Variants in TRIM22 observed in about 807,000 individuals in gnomAD.
TRIM22 encodes E3 ubiquitin-protein ligase TRIM22.
Under a neutral mutation model 53.6 loss-of-function variants are expected in TRIM22, and 45 were observed. The observed-to-expected ratio is 0.84, with a 90% CI of 0.66 to 1.08. The LOEUF (loss-of-function observed/expected upper bound fraction) is 1.08. Ranked by LOEUF, TRIM22 falls within the 50% of genes least tolerant of loss-of-function variation. The probability of loss-of-function intolerance (pLI) is 0.00; values close to 1 mark genes in which losing one functional copy is unlikely to be tolerated. For synonymous variants in TRIM22, 225 were observed against 216.6 expected (o/e 1.04, Z -0.34); for missense variants, 616 against 590.9 (o/e 1.04, Z -0.44).
chr11:5,691,764 A>C (rs1400909620), intron 1 of TRIM22, among the ~76,000 whole-genome samples: 1 of 152,118 alleles, frequency 6.6e-6, no homozygotes, highest in Non-Finnish European at 1.5e-5. Flanking sequence ...TCTCGATCTT[A>C]TCGCTGAGCA....
Position 5,709,448 on chromosome 11 carries a change from ACT to A in TRIM22, c.1302_1303del (p.Phe435TyrfsTer15). 1.2e-6 allele frequency: 2 copies of A among 1,613,642 alleles called. No homozygotes were observed. The highest frequency in any genetic ancestry group is 1.3e-5 in the African/African-American group (1 of 74,830). ...DSSSSDPKVLTLFMAVPPCRI... is the reference protein window; with the variant it reads ...DSSSSDPKVLXLFMAVPPCRI... ...CTCCTCTTCTGATCCCAAGGTTTTGACTCTCTTTATGGCTGTGCCTCCCTGTC... is the reference window on the plus strand; with the variant it reads ...CTCCTCTTCTGATCCCAAGGTTTTGACTCTTTATGGCTGTGCCTCCCTGTC... On this transcript the variant is annotated frameshift_variant, in exon 8 of 8. Transcript: ENST00000379965. LOFTEE classifies it high-confidence loss of function.
In TRIM22 at chr11:5,696,450, A is replaced by G. The variant is rs199625192; in HGVS notation, c.218A>G (p.His73Arg). The change falls in exon 2 of 8, where the codon CAT (histidine) becomes CGT (arginine). Residue 73 changes from histidine to arginine, a missense_variant. Transcript: ENST00000379965. ...FQPGNLRPNR[H>R]LANIVERVKE... The stretch of plus-strand genomic sequence containing the variant: ...CCTGGGAACCTCCGACCTAATCGGC[A>G]TCTGGCCAACATAGTTGAGAGAGTC... 3.1e-6 allele frequency: 5 copies of G among 1,614,272 alleles called. No homozygotes were observed. The highest frequency in any genetic ancestry group is 1.7e-5 in the Admixed American group (1 of 60,032).
rs1337729587 is a variant in TRIM22 at position 5,696,243 on chromosome 11, C to T, written c.11C>T (p.Ser4Leu). 8 of 1,608,318 alleles carry T rather than the reference C, an allele frequency of 5.0e-6. No homozygotes were observed. The highest frequency in any genetic ancestry group is 5.9e-6 in the Non-Finnish European group (7 of 1,177,130). The change falls in exon 2 of 8, where the codon TCA becomes TTA. Residue 4 changes from serine to leucine, a missense_variant. Ser to Leu is a moderately radical substitution (Grantham distance 145). Coordinates refer to ENST00000379965, the MANE Select transcript of TRIM22 (RefSeq NM_006074.5). MDF[S>L]VKVDIEKEVT... ...CAAGGGAGCAGTGCAATGGATTTCT[C>T]AGTAAAGGTAGACATAGAGAAGGAG...
Position 5,697,321 on chromosome 11 carries a change from G to A in TRIM22, c.497G>A (p.Arg166Lys). ...GCTGAGAAGCTGGAAGATGACATCA[G>A]ACAAGAGAGAACCGCCTGGAAGGCA... The part of the protein sequence containing the change: ...QEAEKLEDDI[R>K]QERTAWKNYI... The change falls in exon 3 of 8, where the codon AGA becomes AAA. Residue 166 changes from arginine to lysine, a missense_variant. Arg to Lys is a conservative substitution (Grantham distance 26, BLOSUM62 2). Transcript: ENST00000379965. 3 of 1,613,604 alleles carry A rather than the reference G, an allele frequency of 1.9e-6. No homozygotes were observed. The highest frequency in any genetic ancestry group is 2.2e-5 in the South Asian group (2 of 90,914).
At chr11:5,703,151 G>C (rs1385602559) in intron 4 of TRIM22, among the ~76,000 whole-genome samples, 4 of 152,126 alleles carry the variant, frequency 2.6e-5, no homozygotes, top group East Asian at 1.9e-4. Context: ...CATCACCCAG[G>C]TAATGAGCAT....
rs758823080 is a variant in TRIM22 at position 5,709,648 on chromosome 11, A to G, written c.1497A>G (p.Ter499TrpextTer60). 6.3e-7 allele frequency: 1 copy of G among 1,599,802 alleles called. No individual in the cohort carries two copies. Among genetic ancestry groups the G allele is most frequent in the South Asian group, 1.1e-5 (1 of 90,860 alleles). ...VPMTVCPPSS[*>W] ...TGACTGTGTGCCCACCGAGCTCCTG[A>G]GTGTTCTCATTCCTTTACCCACTTC... Residue 499 changes from the stop codon to tryptophan, a stop_lost, in exon 8 of 8, where the codon TGA becomes TGG. Coordinates refer to ENST00000379965, the MANE Select transcript of TRIM22 (RefSeq NM_006074.5).
Position 5,705,805 on chromosome 11 carries a change from G to A in TRIM22, c.751-789G>A, listed in dbSNP as rs1185082762. ...GATATTGACACTATTCGGGACAGTG[G>A]GGTGTAAATAGTTGGGAAATAGTAA... On this transcript the variant is annotated intron_variant, in intron 4 of 7. Coordinates refer to ENST00000379965, the MANE Select transcript of TRIM22 (RefSeq NM_006074.5). Among the ~76,000 whole-genome samples the A allele has an allele frequency of 2.0e-5, 3 of 152,164 alleles. No individual in the cohort carries two copies. In the East Asian group the frequency reaches 5.8e-4, roughly 29 times the overall value.
intron 5 of TRIM22, 63 bp from the exon 6 acceptor site, chr11:5,708,110 G>T: frequency 7.6e-7 from 1 of 1,321,900 alleles, no homozygotes; most frequent in South Asian, 1.2e-5. Flanking sequence ...GAAAGAGACA[G>T]TGATCTTGGA....
At position 5,709,952 on chromosome 11, in the gene TRIM22, G is replaced by C. The variant is rs1853532555; in HGVS notation, c.*304G>C. The C allele has an allele frequency of 5.9e-6, 2 of 336,882 alleles. No homozygotes were observed. The highest frequency in any genetic ancestry group is 1.3e-4 in the South Asian group (2 of 15,722). The allele number at this position is 336,882 out of a possible 1,614,324, so 20.9% of individuals were successfully genotyped here. ...TGCCTCTCTCCTTGGCTTGTAGAAGGCATCTTGTCCCTATGACTCTTCACA... is the reference window on the plus strand; with the variant it reads ...TGCCTCTCTCCTTGGCTTGTAGAAGCCATCTTGTCCCTATGACTCTTCACA... On this transcript the variant is annotated 3_prime_UTR_variant, in exon 8 of 8. Transcript: ENST00000379965.
At chr11:5,708,405 T>C in intron 6 of TRIM22, 132 bp downstream of exon 6, 2 of 1,012,420 alleles carry the variant, frequency 2.0e-6, no homozygotes, top group Admixed American at 4.7e-5. Flanking sequence ...TCCTGTGCTG[T>C]AGATGTGGTC....
At chr11:5,707,620 G>C (rs1364018671) in intron 5 of TRIM22, among the ~76,000 whole-genome samples, 1 of 152,108 alleles carries the variant, frequency 6.6e-6, no homozygotes, top group Non-Finnish European at 1.5e-5. Context: ...AACCAGCCTG[G>C]CCAACATGGT....
chr11:5,700,362 G>A (rs553986906), intron 4 of TRIM22, among the ~76,000 whole-genome samples: 3 of 152,116 alleles, frequency 2.0e-5, no homozygotes, highest in East Asian at 1.9e-4. Context: ...CAATCTGCCC[G>A]CCTTGGCCTC....
At chr11:5,698,123 T>TA (rs1467664041) in intron 3 of TRIM22, 192 bp from the exon 4 acceptor site, 1 of 566,726 alleles carries the variant, frequency 1.8e-6, no homozygotes, top group East Asian at 3.0e-5. Flanking sequence ...GACTTGAGTG[T>TA]ATTGCTTTGG....
intron 4 of TRIM22, among the ~76,000 whole-genome samples, chr11:5,701,945 C>T (rs894547901): frequency 1.3e-5 from 2 of 151,480 alleles, no homozygotes; most frequent in Non-Finnish European, 2.9e-5. Context: ...TTGCTCTTTG[C>T]TTTTTTTTCC....
rs550364872 is a variant in TRIM22, at chr11:5,696,177, G to C, written c.-56G>C. On this transcript the variant is annotated 5_prime_UTR_variant, in exon 2 of 8. Coordinates refer to ENST00000379965, the MANE Select transcript of TRIM22 (RefSeq NM_006074.5). Reference sequence around the variant, plus strand: ...CTTCAACATTCTCAGCACTGCAGGAGTTTGTGACCAAGAACTTCAAGAGTC... The same window carrying C: ...CTTCAACATTCTCAGCACTGCAGGACTTTGTGACCAAGAACTTCAAGAGTC... The C allele has an allele frequency of 2.5e-4, 384 of 1,529,568 alleles. 4 individuals carry two copies. The South Asian group carries it at 4.4e-3, about 17-fold the overall frequency. The allele number at this position is 1,529,568 out of a possible 1,614,324, so 94.7% of individuals were successfully genotyped here. A position where few individuals can be genotyped will look rare whatever the true frequency, so the allele number is the denominator to read the frequency against.
At position 5,708,136 on chromosome 11, in the gene TRIM22, C is replaced by G. The variant is rs1362677649; in HGVS notation, c.774-37C>G. On this transcript the variant is annotated intron_variant, in intron 5 of 7. Transcript: ENST00000379965. The stretch of plus-strand genomic sequence containing the variant: ...TGATCTTGGATGGAGAGAAATAGGG[C>G]AAAGGTGTAAAGGTTATCAATTTTT... 7 of 1,505,618 alleles carry G rather than the reference C, an allele frequency of 4.6e-6. No homozygotes were observed. In the South Asian group the frequency reaches 7.9e-5, roughly 17 times the overall value. 93.3% of individuals were successfully genotyped at this position (1,505,618 alleles called of 1,614,324 possible).
In TRIM22 at chr11:5,708,336, G is replaced by T. The variant is rs904434234; in HGVS notation, c.874+63G>T. 6 of 1,494,050 alleles carry T rather than the reference G, an allele frequency of 4.0e-6. No individual in the cohort carries two copies. In the African/African-American group the frequency reaches 8.4e-5, roughly 21 times the overall value. The allele number at this position is 1,494,050 out of a possible 1,614,324, so 92.5% of individuals were successfully genotyped here. On this transcript the variant is annotated intron_variant, in intron 6 of 7. Transcript: ENST00000379965. Reference sequence around the variant, plus strand: ...CTTAGTATCAGGGCTCAATAGGGAAGCGGGAGGTTTTTTTAGGTTAGGATA... The same window carrying T: ...CTTAGTATCAGGGCTCAATAGGGAATCGGGAGGTTTTTTTAGGTTAGGATA...
intron 5 of TRIM22, among the ~76,000 whole-genome samples, 188 bp downstream of exon 5, chr11:5,706,804 C>A (rs193226108): frequency 6.9e-4 from 105 of 152,290 alleles, no homozygotes; most frequent in Non-Finnish European, 1.2e-3. Context: ...TGGGAGATCA[C>A]AGAGTTAGGG....
At position 5,696,428 on chromosome 11, in the gene TRIM22, G is replaced by A. The variant is rs1407087650; in HGVS notation, c.196G>A (p.Gly66Arg). 1.9e-6 allele frequency: 3 copies of A among 1,614,242 alleles called. No individual in the cohort carries two copies. The highest frequency in any genetic ancestry group is 1.7e-5 in the Admixed American group (1 of 60,032). Reference sequence around the variant, plus strand: ...TGTGTGTCAGACCAGATTCCAGCCTGGGAACCTCCGACCTAATCGGCATCT... The same window carrying A: ...TGTGTGTCAGACCAGATTCCAGCCTAGGAACCTCCGACCTAATCGGCATCT... ...CPVCQTRFQPGNLRPNRHLAN... is the reference protein window; with the variant it reads ...CPVCQTRFQPRNLRPNRHLAN... The change falls in exon 2 of 8, where the codon GGG (glycine) becomes AGG (arginine). Residue 66 changes from glycine to arginine, a missense_variant. By Grantham distance (125) the Gly-to-Arg change is moderately radical (BLOSUM62 -2). Coordinates refer to ENST00000379965, the MANE Select transcript of TRIM22 (RefSeq NM_006074.5).
Sources: gnomAD v4.1 joint callset for allele counts (sites outside exome capture counted in the v4.1 genomes callset) on GRCh38, gnomAD v4.1.1 for gene constraint, MANE v1.5 for transcripts, NCBI Gene and HGNC (gene_info 2026-07-23, HGNC 2026-07-21) for gene names.